FOXN3: variants seen among roughly 807,000 people sequenced by gnomAD.
FOXN3 encodes the protein forkhead box N3, also known as forkhead box protein N3.
Under a neutral mutation model 38.4 loss-of-function variants are expected in FOXN3, and 7 were observed. That is an observed-to-expected ratio of 0.18 (90% CI 0.10 to 0.34). The LOEUF (loss-of-function observed/expected upper bound fraction) is 0.34. FOXN3 is among the 10% of genes least tolerant of loss of function. FOXN3 has a pLI of 1.00. For missense variants in FOXN3, 456 were observed against 613.4 expected (o/e 0.74, Z 2.71); for synonymous variants, 230 against 242.2 (o/e 0.95, Z 0.47).
rs183431190 is a variant in FOXN3, at chr14:89,314,840, T to A, written c.681-33826A>T. Among the ~76,000 whole-genome samples, 406 of 152,222 alleles carry A rather than the reference T, an allele frequency of 2.7e-3. 1 individual carries two copies. Among genetic ancestry groups the A allele is most frequent in the African/African-American group, 7.5e-3 (310 of 41,532 alleles). On this transcript the variant is annotated intron_variant, in intron 3 of 5. Transcript: ENST00000557258. ...GTTGATGTTAGCTAACCGAGAACCTTCAAAAATCCCAACAGAGTAAGAGAT... is the reference window on the plus strand; with the variant it reads ...GTTGATGTTAGCTAACCGAGAACCTACAAAAATCCCAACAGAGTAAGAGAT...
intron 3 of FOXN3, among the ~76,000 whole-genome samples, chr14:89,302,382 C>CT (rs1436993126): frequency 6.6e-6 from 1 of 152,198 alleles, no homozygotes; most frequent in African/African-American, 2.4e-5. Context: ...CAGCACCTTT[C>CT]TTTCTGGGTG....
At chr14:89,490,643 TTCACCTGGTTTGTTCCA>T (rs1893552693) in intron 1 of FOXN3, among the ~76,000 whole-genome samples, 1 of 152,230 alleles carries the variant, frequency 6.6e-6, no homozygotes, top group African/African-American at 2.4e-5. Context: ...AGATCAGCCA[TTCACCTGGTTTGTTCCA>T]TGAGTTTAGC....
At chr14:89,348,530 G>A (rs1444469026) in intron 3 of FOXN3, among the ~76,000 whole-genome samples, 1 of 152,176 alleles carries the variant, frequency 6.6e-6, no homozygotes, top group African/African-American at 2.4e-5. Flanking sequence ...GAAAGAGAAA[G>A]TGACTTGTTC....
chr14:89,566,045 G>T (rs913306631), intron 1 of FOXN3, among the ~76,000 whole-genome samples: 3 of 152,210 alleles, frequency 2.0e-5, no homozygotes, highest in Admixed American at 1.3e-4. Context: ...CCTCGCCCCA[G>T]AATATCACTT....
intron 4 of FOXN3, among the ~76,000 whole-genome samples, chr14:89,227,688 C>T (rs1260824351): frequency 2.0e-5 from 3 of 152,114 alleles, no homozygotes; most frequent in African/African-American, 7.2e-5. Flanking sequence ...AAATCCGGCA[C>T]GATAAAGCAC....
chr14:89,390,505 A>AAAAG (rs1466632202), intron 2 of FOXN3, among the ~76,000 whole-genome samples: 2 of 150,180 alleles, frequency 1.3e-5, no homozygotes, highest in Non-Finnish European at 3.0e-5. Context: ...AAAAAAAAAA[A>AAAAG]AAAAGGAAAT....
intron 5 of FOXN3, among the ~76,000 whole-genome samples, chr14:89,170,598 A>G (rs977455859): frequency 2.6e-5 from 4 of 152,180 alleles, no homozygotes; most frequent in Non-Finnish European, 5.9e-5. Context: ...AAAAACTGAT[A>G]TATACTAGAC....
rs1249340138 is a variant in FOXN3, at chr14:89,487,916, A to G, written c.-14-75426T>C. Among the ~76,000 whole-genome samples, 41 of 152,140 alleles carry G rather than the reference A, an allele frequency of 2.7e-4. 1 individual carries two copies. The highest frequency in any genetic ancestry group is 1.5e-5 in the Non-Finnish European group (1 of 68,026). Reference sequence around the variant, plus strand: ...GCCTTGAGATTAGGACAGAATTTTAACAACAACAAAAACCAGACAGCAACC... The same window carrying G: ...GCCTTGAGATTAGGACAGAATTTTAGCAACAACAAAAACCAGACAGCAACC... On this transcript the variant is annotated intron_variant, in intron 1 of 6. Transcript: ENST00000345097.
At chr14:89,325,213 T>C (rs1159976866) in intron 3 of FOXN3, among the ~76,000 whole-genome samples, 1 of 49,202 alleles carries the variant, frequency 2.0e-5, no homozygotes, top group African/African-American at 5.5e-5. Context: ...CCAACACACA[T>C]GCACCACCAC....
At chr14:89,387,570 C>T (rs1295762005) in intron 2 of FOXN3, among the ~76,000 whole-genome samples, 1 of 152,220 alleles carries the variant, frequency 6.6e-6, no homozygotes, top group Non-Finnish European at 1.5e-5. Flanking sequence ...TCCTGAAACT[C>T]ATCTGCTCTG....
chr14:89,506,152 T>A (rs1220434325), intron 1 of FOXN3, among the ~76,000 whole-genome samples: 68 of 67,258 alleles, frequency 1.0e-3, no homozygotes, highest in Non-Finnish European at 2.2e-3. Context: ...TACTGGGAAG[T>A]GAGGAGCCCC....
chr14:89,416,167 A>G (rs1891715777), intron 1 of FOXN3, among the ~76,000 whole-genome samples: 1 of 152,132 alleles, frequency 6.6e-6, no homozygotes, highest in Non-Finnish European at 1.5e-5. Context: ...CGTCTACTGT[A>G]CTTGTCAAAA....
At chr14:89,372,649 AG>A (rs1188402774) in intron 2 of FOXN3, among the ~76,000 whole-genome samples, 6 of 152,140 alleles carry the variant, frequency 3.9e-5, no homozygotes, top group Admixed American at 1.3e-4. Context: ...TTACTAGGTC[AG>A]GGTAACCCAC....
At chr14:89,522,724 CAA>C (rs1258320008) in intron 1 of FOXN3, among the ~76,000 whole-genome samples, 1 of 148,360 alleles carries the variant, frequency 6.7e-6, no homozygotes, top group East Asian at 2.0e-4. Flanking sequence ...AAATAATACA[CAA>C]AGATATATAG....
At chr14:89,244,144 T>C (rs1240194798) in intron 4 of FOXN3, among the ~76,000 whole-genome samples, 1 of 152,132 alleles carries the variant, frequency 6.6e-6, no homozygotes, top group East Asian at 1.9e-4. Context: ...AGAACTGAGG[T>C]GAAATCACCC....
chr14:89,611,529 G>A (rs1472500767), intron 1 of FOXN3, among the ~76,000 whole-genome samples: 2 of 152,164 alleles, frequency 1.3e-5, no homozygotes, highest in Admixed American at 6.5e-5. Context: ...TAATGAGGCC[G>A]GGCGCGGTGG....
At chr14:89,371,645 A>G (rs1314589848) in intron 2 of FOXN3, among the ~76,000 whole-genome samples, 4 of 152,010 alleles carry the variant, frequency 2.6e-5, no homozygotes, top group African/African-American at 9.7e-5. Context: ...TCCTAGCCCC[A>G]GGAGACTGAC....
chr14:89,402,963 A>G (rs946403135), intron 2 of FOXN3, among the ~76,000 whole-genome samples: 4 of 152,242 alleles, frequency 2.6e-5, no homozygotes, highest in African/African-American at 9.6e-5. Context: ...CAGCTTATTC[A>G]AGTGAACATA....
At chr14:89,238,316 C>G (rs1352594441) in intron 4 of FOXN3, among the ~76,000 whole-genome samples, 3 of 152,226 alleles carry the variant, frequency 2.0e-5, no homozygotes, top group Non-Finnish European at 4.4e-5. Context: ...TGTTTCTTGA[C>G]TGGATCAAAC....
Sources: gnomAD v4.1 joint callset for allele counts (sites outside exome capture counted in the v4.1 genomes callset) on GRCh38, gnomAD v4.1.1 for gene constraint, MANE v1.5 for transcripts, NCBI Gene and HGNC (gene_info 2026-07-23, HGNC 2026-07-21) for gene names.